MS4A2: variants seen among roughly 807,000 people sequenced by gnomAD.
The protein encoded by MS4A2 is high affinity immunoglobulin epsilon receptor subunit beta.
A neutral mutation model predicts 27.9 loss-of-function variants in MS4A2; 26 were observed. The observed-to-expected ratio is 0.93, with a 90% CI of 0.68 to 1.29. The LOEUF (loss-of-function observed/expected upper bound fraction) is 1.29. Among genes scored for constraint, MS4A2 ranks in the 50% most tolerant of loss-of-function variants. The probability of loss-of-function intolerance (pLI) is 0.00; values close to 1 mark genes in which losing one functional copy is unlikely to be tolerated. For missense variants in MS4A2, 284 were observed against 284.6 expected (o/e 1.00, Z 0.01); for synonymous variants, 110 against 98.8 (o/e 1.11, Z -0.67).
intron 5 of MS4A2, 185 bp from the exon 6 acceptor site, chr11:60,093,779 T>C: frequency 1.3e-6 from 1 of 787,564 alleles, no homozygotes; most frequent in Non-Finnish European, 2.1e-6. Flanking sequence ...AGTGACGATC[T>C]CTGGGTTTTT....
intron 5 of MS4A2, 160 bp from the exon 6 acceptor site, chr11:60,093,802 TTG>T (rs60162275): frequency 0.062 from 38,806 of 628,058 alleles, 121 homozygotes; most frequent in East Asian, 0.11. Flanking sequence ...GTGCCTGTGT[TTG>T]TGTGTGTGTG....
chr11:60,095,717 T>C lies in MS4A2; in HGVS notation c.*61T>C. ...AGGATCCAGAAGGCCAAGGTCTTGT[T>C]AAGGGGCTACTGGAAAAATTTCTAT... On this transcript the variant is annotated 3_prime_UTR_variant, in exon 7 of 7. Transcript: ENST00000278888. 1 of 1,142,014 alleles carries C rather than the reference T, an allele frequency of 8.8e-7. No homozygotes were observed. The highest frequency in any genetic ancestry group is 1.3e-6 in the Non-Finnish European group (1 of 751,524). 70.7% of individuals were successfully genotyped at this position (1,142,014 alleles called of 1,614,324 possible).
Position 60,090,255 on chromosome 11 carries a change from G to A in MS4A2, c.187-81G>A. 6 of 1,416,854 alleles carry A rather than the reference G, an allele frequency of 4.2e-6. No homozygotes were observed. The South Asian group carries it at 5.8e-5, about 14-fold the overall frequency. The allele number at this position is 1,416,854 out of a possible 1,614,324, so 87.8% of individuals were successfully genotyped here. A position where few individuals can be genotyped will look rare whatever the true frequency, so the allele number is the denominator to read the frequency against. On this transcript the variant is annotated intron_variant, in intron 2 of 6. Transcript: ENST00000278888. ...CTAGGACACTAACGCAGTTTCTCAT[G>A]TTTGGCTTCTATTATTAAAAAATGA...
At chr11:60,091,773 T>C (rs905620647) in intron 3 of MS4A2, among the ~76,000 whole-genome samples, 2 of 152,230 alleles carry the variant, frequency 1.3e-5, no homozygotes, top group Non-Finnish European at 1.5e-5. Context: ...AGTGCTCAGA[T>C]GACTTGTTCA....
Position 60,095,555 on chromosome 11 carries a change from C to T in MS4A2, c.637-3C>T, listed in dbSNP as rs1326992834. 6.3e-7 allele frequency: 1 copy of T among 1,592,570 alleles called. No individual in the cohort carries two copies. Among genetic ancestry groups the T allele is most frequent in the Non-Finnish European group, 8.6e-7 (1 of 1,160,452 alleles). On this transcript the variant is annotated splice_region_variant and splice_polypyrimidine_tract_variant and intron_variant, in intron 6 of 6. Transcript: ENST00000278888. ...TGATATGAAATGATTTTTCCCTTATCAGGTTCCAGAGGATCGTGTTTATGA... is the reference window on the plus strand; with the variant it reads ...TGATATGAAATGATTTTTCCCTTATTAGGTTCCAGAGGATCGTGTTTATGA...
In MS4A2 at chr11:60,096,092, A is replaced by ACACAGT; in HGVS notation, c.*447_*452dup. ...TGATTTGTACCATCCACCCATACCC[A>ACACAGT]CACAGTCACAGTCACACACACATAT... On this transcript the variant is annotated 3_prime_UTR_variant, in exon 7 of 7. Transcript: ENST00000278888. 1 of 214,552 alleles carries ACACAGT rather than the reference A, an allele frequency of 4.7e-6. No homozygotes were observed. Among genetic ancestry groups the ACACAGT allele is most frequent in the Non-Finnish European group, 9.3e-6 (1 of 107,006 alleles). The allele number at this position is 214,552 out of a possible 1,614,324, so 13.3% of individuals were successfully genotyped here.
intron 1 of MS4A2, among the ~76,000 whole-genome samples, chr11:60,089,123 C>T (rs2134690274): frequency 6.7e-6 from 1 of 150,338 alleles, no homozygotes; most frequent in African/African-American, 2.4e-5. Flanking sequence ...CTGGGTCTGA[C>T]ATGTGCTGAG....
chr11:60,088,549 ACTT>A, upstream of MS4A2: 2 of 1,310,266 alleles, frequency 1.5e-6, no homozygotes, highest in Non-Finnish European at 2.0e-6. Context: ...TATTTAGTAG[ACTT>A]CTTAATTTTT....
chr11:60,094,537 T>C (rs1855831668), intron 6 of MS4A2, among the ~76,000 whole-genome samples: 1 of 152,244 alleles, frequency 6.6e-6, no homozygotes, highest in Non-Finnish European at 1.5e-5. Context: ...CCATTACACC[T>C]TTGATAAGAA....
intron 1 of MS4A2, among the ~76,000 whole-genome samples, chr11:60,089,063 T>G (rs927504881): frequency 1.3e-5 from 2 of 152,206 alleles, no homozygotes; most frequent in Non-Finnish European, 2.9e-5. Context: ...AAGCTCATTT[T>G]CTGGGTATGA....
chr11:60,089,556 T>A lies in MS4A2; in HGVS notation c.57-136T>A. The A allele has an allele frequency of 6.8e-6, 8 of 1,180,174 alleles. No homozygotes were observed. In the South Asian group the frequency reaches 8.8e-5, roughly 13 times the overall value. 73.1% of individuals were successfully genotyped at this position (1,180,174 alleles called of 1,614,324 possible). ...CTTGGATGCTCTGAGCTTTAGTTTC[T>A]TGGTGATTACAATGAAGATTTGAAT... On this transcript the variant is annotated intron_variant, in intron 1 of 6. Transcript: ENST00000278888.
chr11:60,089,758 G>T lies in MS4A2; in HGVS notation c.123G>T (p.Ser41=), dbSNP rs372007121. 1 of 1,613,950 alleles carries T rather than the reference G, an allele frequency of 6.2e-7. No individual in the cohort carries two copies. Among genetic ancestry groups the T allele is most frequent in the Non-Finnish European group, 8.5e-7 (1 of 1,179,878 alleles). Residue 41 remains serine, a synonymous_variant, in exon 2 of 7, where the codon TCG becomes TCT. Coordinates refer to ENST00000278888, the MANE Select transcript of MS4A2 (RefSeq NM_000139.5). ...QEVSSGRLLK[S]ASSPPLHTWL... ...TATCTTCAGGCAGACTATTGAAGTC[G>T]GCCTCATCCCCACCACTGCATACAT... is the stretch of plus-strand genomic sequence containing the variant.
Position 60,096,505 on chromosome 11 carries a change from G to T in MS4A2, c.*849G>T, listed in dbSNP as rs1282457979. 1 of 152,138 alleles carries T rather than the reference G, an allele frequency of 6.6e-6. No individual in the cohort carries two copies. The highest frequency in any genetic ancestry group is 1.5e-5 in the Non-Finnish European group (1 of 68,022). The allele number at this position is 152,138 out of a possible 1,614,324, so 9.4% of individuals were successfully genotyped here. On this transcript the variant is annotated 3_prime_UTR_variant, in exon 7 of 7. Coordinates refer to ENST00000278888, the MANE Select transcript of MS4A2 (RefSeq NM_000139.5). The stretch of plus-strand genomic sequence containing the variant: ...TGGTAGATTTTGTTAACAAATTAAA[G>T]AATAAAGTTAGACAAGCAACTGGTT...
chr11:60,093,616 A>T, intron 5 of MS4A2, 58 bp downstream of exon 5: 4 of 1,595,250 alleles, frequency 2.5e-6, no homozygotes, highest in Non-Finnish European at 3.4e-6. Context: ...GTAAGTAAGA[A>T]GCCCTCTTCT....
chr11:60,089,304 G>A (rs961119847), intron 1 of MS4A2, among the ~76,000 whole-genome samples: 1 of 152,212 alleles, frequency 6.6e-6, no homozygotes, highest in Non-Finnish European at 1.5e-5. Flanking sequence ...TGCACATGAA[G>A]TTGGGGTTTG....
chr11:60,089,779 T>A lies in MS4A2; in HGVS notation c.144T>A (p.His48Gln), dbSNP rs774069021. 7.4e-6 allele frequency: 12 copies of A among 1,614,168 alleles called. No individual in the cohort carries two copies. In the South Asian group the frequency reaches 8.8e-5, roughly 12 times the overall value. ...AGTCGGCCTCATCCCCACCACTGCA[T>A]ACATGGCTGACAGTTTTGAAAAAAG... ...LLKSASSPPL[H>Q]TWLTVLKKEQ... The change falls in exon 2 of 7, where the codon CAT (histidine) becomes CAA (glutamine). Residue 48 changes from histidine (H) to glutamine (Q), a missense_variant. Coordinates refer to ENST00000278888, the MANE Select transcript of MS4A2 (RefSeq NM_000139.5).
In MS4A2 at chr11:60,097,692, C is replaced by A. The variant is rs1169849985; in HGVS notation, c.*2036C>A. Reference sequence around the variant, plus strand: ...TTAGTCACAATTAATGAAATAATTACATTTTATGTATTGAGGATGCCAAGA... The same window carrying A: ...TTAGTCACAATTAATGAAATAATTAAATTTTATGTATTGAGGATGCCAAGA... On this transcript the variant is annotated 3_prime_UTR_variant, in exon 7 of 7. Transcript: ENST00000278888. 4 of 152,082 alleles carry A rather than the reference C, an allele frequency of 2.6e-5. No individual in the cohort carries two copies. The highest frequency in any genetic ancestry group is 9.7e-5 in the African/African-American group (4 of 41,394). The allele number at this position is 152,082 out of a possible 1,614,324, so 9.4% of individuals were successfully genotyped here.
chr11:60,088,645 A>G, upstream of MS4A2: 1 of 1,534,826 alleles, frequency 6.5e-7, no homozygotes, highest in Non-Finnish European at 8.8e-7. Context: ...TATAAAGAGA[A>G]TCATCAATGT....
rs1855906577 is a variant in MS4A2, at chr11:60,098,423, T to C, written c.*2767T>C. 6.6e-6 allele frequency: 1 copy of C among 152,230 alleles called. No individual in the cohort carries two copies. Among genetic ancestry groups the C allele is most frequent in the Non-Finnish European group, 1.5e-5 (1 of 68,044 alleles). The allele number at this position is 152,230 out of a possible 1,614,324, so 9.4% of individuals were successfully genotyped here. On this transcript the variant is annotated 3_prime_UTR_variant, in exon 7 of 7. Coordinates refer to ENST00000278888, the MANE Select transcript of MS4A2 (RefSeq NM_000139.5). ...GTGCTTGTGACCTCCTTATGTATTC[T>C]CAATTACCTGTATTTGTGCAATAAA...
Sources: gnomAD v4.1 joint callset for allele counts (sites outside exome capture counted in the v4.1 genomes callset) on GRCh38, gnomAD v4.1.1 for gene constraint, MANE v1.5 for transcripts, NCBI Gene and HGNC (gene_info 2026-07-23, HGNC 2026-07-21) for gene names.